The following MTSS1 variants were observed in gnomAD, a reference collection of about 807,000 sequenced individuals.
The protein encoded by MTSS1 is MTSS I-BAR domain containing 1.
Under a neutral mutation model 79.0 loss-of-function variants are expected in MTSS1, and 18 were observed. The ratio of observed to expected loss-of-function variants is 0.23; its 90% CI spans 0.16 to 0.34. The LOEUF is 0.34. Ranked by LOEUF, MTSS1 falls within the 10% of genes least tolerant of loss-of-function variation. The pLI is 1.00. For missense variants in MTSS1, 815 were observed against 986.2 expected (o/e 0.83, Z 2.33); for synonymous variants, 341 against 368.6 (o/e 0.93, Z 0.86).
At chr8:124,638,518 T>G (rs963642066) in intron 3 of MTSS1, among the ~76,000 whole-genome samples, 3 of 152,106 alleles carry the variant, frequency 2.0e-5, no homozygotes, top group African/African-American at 7.2e-5. Flanking sequence ...CAAATTTCCT[T>G]CCCCGGCGGA....
intron 3 of MTSS1, among the ~76,000 whole-genome samples, chr8:124,662,940 G>A (rs985772002): frequency 1.5e-4 from 23 of 152,250 alleles, no homozygotes; most frequent in Non-Finnish European, 5.9e-5. Context: ...GGACCGAGAC[G>A]TGACCACGAG....
chr8:124,669,816 A>G (rs1015562295), intron 3 of MTSS1, among the ~76,000 whole-genome samples: 1 of 152,188 alleles, frequency 6.6e-6, no homozygotes, highest in Non-Finnish European at 1.5e-5. Context: ...ACAGAACACT[A>G]GAGGAATCTC....
intron 3 of MTSS1, among the ~76,000 whole-genome samples, chr8:124,642,299 T>C (rs541779227): frequency 1.6e-4 from 25 of 152,204 alleles, no homozygotes; most frequent in Non-Finnish European, 3.2e-4. Context: ...ATTTTCTGTT[T>C]ACAAAAGCTC....
At chr8:124,569,755 G>A (rs1827333869) in intron 6 of MTSS1, among the ~76,000 whole-genome samples, 1 of 152,216 alleles carries the variant, frequency 6.6e-6, no homozygotes, top group East Asian at 1.9e-4. Context: ...AAATGTTAGA[G>A]CTGGAAGGGG....
chr8:124,606,466 T>C (rs1204666000), intron 3 of MTSS1, among the ~76,000 whole-genome samples: 1 of 152,120 alleles, frequency 6.6e-6, no homozygotes, highest in African/African-American at 2.4e-5. Flanking sequence ...GGTATCATTA[T>C]CCTCATTTTA....
At chr8:124,560,937 C>A (rs1825143507) in intron 10 of MTSS1, among the ~76,000 whole-genome samples, 1 of 152,130 alleles carries the variant, frequency 6.6e-6, no homozygotes, top group Non-Finnish European at 1.5e-5. Flanking sequence ...ATGAAGGGCT[C>A]CTGCGCCTCC....
intron 10 of MTSS1, among the ~76,000 whole-genome samples, chr8:124,562,082 A>G (rs1048505848): frequency 2.0e-5 from 3 of 152,154 alleles, no homozygotes; most frequent in African/African-American, 4.8e-5. Flanking sequence ...CACCAACCCA[A>G]TGACACTAAG....
intron 3 of MTSS1, among the ~76,000 whole-genome samples, chr8:124,667,547 G>T (rs1026796953): frequency 9.9e-5 from 15 of 152,156 alleles, no homozygotes; most frequent in African/African-American, 3.1e-4. Context: ...AGGAGGCTGA[G>T]GCAGGAGAAT....
At chr8:124,673,135 G>A (rs1463631594) in intron 3 of MTSS1, 1 of 152,074 alleles carries the variant, frequency 6.6e-6, no homozygotes, top group Non-Finnish European at 1.5e-5. Context: ...AACACATAAT[G>A]ACAGCACAGG....
intron 3 of MTSS1, among the ~76,000 whole-genome samples, chr8:124,667,602 C>A (rs1823337066): frequency 6.6e-6 from 1 of 152,132 alleles, no homozygotes; most frequent in African/African-American, 2.4e-5. Context: ...TGAGATCACA[C>A]CATTGCACTC....
chr8:124,671,722 C>A (rs1824254094), intron 3 of MTSS1, among the ~76,000 whole-genome samples: 1 of 152,158 alleles, frequency 6.6e-6, no homozygotes. Context: ...ATCTTGACAA[C>A]AGAACAACAC....
rs138647333 is a variant in MTSS1, at chr8:124,602,570, C to T, written c.209-11335G>A. ...CAAAGCCATCCTGAGCCATGTGAGG[C>T]CTGCAGGTTGAACAAGCTTGATCTA... is the stretch of plus-strand genomic sequence containing the variant. On this transcript the variant is annotated intron_variant, in intron 3 of 13. Coordinates refer to ENST00000518547, the MANE Select transcript of MTSS1 (RefSeq NM_014751.6). Among the ~76,000 whole-genome samples, 449 of 152,254 alleles carry T rather than the reference C, an allele frequency of 2.9e-3. 4 individuals carry two copies. The highest frequency in any genetic ancestry group is 5.0e-3 in the Non-Finnish European group (342 of 68,022).
At chr8:124,586,893 A>G (rs568898558) in intron 5 of MTSS1, among the ~76,000 whole-genome samples, 2 of 152,300 alleles carry the variant, frequency 1.3e-5, no homozygotes, top group South Asian at 2.1e-4. Flanking sequence ...CAAGAAAATC[A>G]AGGAACCTGT....
chr8:124,633,178 AT>A (rs58499491), intron 3 of MTSS1, among the ~76,000 whole-genome samples: 4,255 of 151,826 alleles, frequency 0.028, 174 homozygotes, highest in African/African-American at 0.097. Context: ...TTAAAAAAAA[AT>A]TTTTAAAGAT....
chr8:124,613,750 G>C (rs887693230), intron 3 of MTSS1, among the ~76,000 whole-genome samples: 1 of 152,226 alleles, frequency 6.6e-6, no homozygotes, highest in Admixed American at 6.5e-5. Flanking sequence ...TCCAGAATGA[G>C]ATCTGAGTGG....
intron 9 of MTSS1, among the ~76,000 whole-genome samples, chr8:124,563,789 G>A (rs1825810623): frequency 6.6e-6 from 1 of 152,148 alleles, no homozygotes. Context: ...GTCAAATAAT[G>A]ACACACCCGC....
intron 3 of MTSS1, among the ~76,000 whole-genome samples, chr8:124,661,589 A>C (rs58390847): frequency 0.026 from 3,958 of 152,298 alleles, 162 homozygotes; most frequent in African/African-American, 0.091. Flanking sequence ...AGCCACGCCA[A>C]AGGTGCAGAC....
intron 3 of MTSS1, among the ~76,000 whole-genome samples, chr8:124,606,668 C>T (rs1834938500): frequency 6.6e-6 from 1 of 151,918 alleles, no homozygotes; most frequent in African/African-American, 2.4e-5. Flanking sequence ...CTTCCCCCAC[C>T]CCCGATCCTA....
chr8:124,556,318 C>T lies in MTSS1; in HGVS notation c.1318G>A (p.Gly440Arg), dbSNP rs1212252709. ...GGGCCGCTGGCGGTAGTGGGTCCTCCCCCGTTGGGGTCCGGTTCTCGCTTC... is the reference window on the plus strand; with the variant it reads ...GGGCCGCTGGCGGTAGTGGGTCCTCTCCCGTTGGGGTCCGGTTCTCGCTTC... ...KEKREPDPNG[G>R]GPTTASGPPA... is the part of the protein sequence containing the mutation. The change falls in exon 12 of 14, where the codon GGA becomes AGA. Residue 440 changes from glycine (G) to arginine (R), a missense_variant. Physicochemically the swap from Gly to Arg is moderately radical, Grantham distance 125 (BLOSUM62 -2). Around this residue, in one of 2 missense-constraint regions of MTSS1, gnomAD observed 590 missense variants for 620.8 expected, o/e 0.95. Transcript: ENST00000518547. 1.9e-6 allele frequency: 3 copies of T among 1,614,190 alleles called. No homozygotes were observed. The highest frequency in any genetic ancestry group is 4.5e-5 in the East Asian group (2 of 44,876).
Sources: allele counts gnomAD v4.1 joint callset (sites outside exome capture counted in the v4.1 genomes callset), GRCh38; gene constraint gnomAD v4.1.1; regional missense constraint gnomAD v4.1.1; transcripts MANE v1.5; gene names NCBI Gene and HGNC (gene_info 2026-07-23, HGNC 2026-07-21).